Variants in TSEN2 observed in about 807,000 individuals in gnomAD.
TSEN2 encodes the protein tRNA splicing endonuclease subunit 2, also known as tRNA-splicing endonuclease subunit Sen2.
In TSEN2, 54 loss-of-function variants were observed where a neutral mutation model predicts 59.2. The ratio of observed to expected loss-of-function variants is 0.91; its 90% CI spans 0.73 to 1.14. TSEN2 has a LOEUF of 1.14. Ranked by LOEUF, TSEN2 falls within the 50% of genes most tolerant of loss-of-function variation. TSEN2 has a pLI of 0.00. For missense variants in TSEN2, 636 were observed against 576.2 expected, an observed-to-expected ratio of 1.10 and a Z score of -1.06; for synonymous variants, 195 against 198.2, an observed-to-expected ratio of 0.98 and a Z score of 0.14.
intron 6 of TSEN2, among the ~76,000 whole-genome samples, chr3:12,509,949 G>A (rs1269776659): frequency 1.3e-5 from 2 of 152,256 alleles, no homozygotes; most frequent in African/African-American, 2.4e-5. Context: ...GAGTTAGCCT[G>A]TGAGGAGTGA....
upstream of TSEN2, among the ~76,000 whole-genome samples, chr3:12,481,138 T>A (rs2052188591): frequency 6.6e-6 from 1 of 152,204 alleles, no homozygotes; most frequent in Non-Finnish European, 1.5e-5. Context: ...AGATAAACTT[T>A]TTTCTTAAGT....
chr3:12,529,650 T>A (rs2057334482), intron 9 of TSEN2, 112 bp from the exon 10 acceptor site: 1 of 938,754 alleles, frequency 1.1e-6, no homozygotes, highest in African/African-American at 1.7e-5. Context: ...GAATTTAGAA[T>A]CAGATGATGC....
At chr3:12,508,648 C>T (rs1408328072) in intron 6 of TSEN2, among the ~76,000 whole-genome samples, 3 of 152,132 alleles carry the variant, frequency 2.0e-5, no homozygotes, top group Admixed American at 1.3e-4. Flanking sequence ...TGTGGACATG[C>T]GGCCTTGTAG....
chr3:12,507,726 G>A (rs1486118684), intron 6 of TSEN2, among the ~76,000 whole-genome samples: 3 of 152,160 alleles, frequency 2.0e-5, no homozygotes, highest in South Asian at 4.1e-4. Flanking sequence ...TAAGCATAGT[G>A]TGGCATATGG....
At chr3:12,495,126 CAAAAAAA>C (rs1160986136) in intron 3 of TSEN2, among the ~76,000 whole-genome samples, 10 of 68,700 alleles carry the variant, frequency 1.5e-4, no homozygotes, top group African/African-American at 3.1e-4. Context: ...ACTCCGTCTC[CAAAAAAA>C]AAAAAAAAAA....
At position 12,532,645 on chromosome 3, in the gene TSEN2, T is replaced by A. The variant is rs779339228; in HGVS notation, c.1339-17T>A. On this transcript the variant is annotated splice_polypyrimidine_tract_variant and intron_variant, in intron 11 of 11. Coordinates refer to ENST00000284995, the MANE Select transcript of TSEN2 (RefSeq NM_025265.4). ...ATTTCTGTTTTAAGAAATGGTCTTT[T>A]TTTTTATTGGTTGTAGGAGGTGATT... 6.2e-7 allele frequency: 1 copy of A among 1,614,054 alleles called. No individual in the cohort carries two copies. Among genetic ancestry groups the A allele is most frequent in the South Asian group, 1.1e-5 (1 of 91,076 alleles).
At chr3:12,530,792 T>A in intron 10 of TSEN2, 1 of 981,710 alleles carries the variant, frequency 1.0e-6, no homozygotes, top group South Asian at 4.7e-5. Flanking sequence ...TGTTGATATG[T>A]TCTTGGAAAC....
At chr3:12,485,977 A>G (rs2052574543) in intron 1 of TSEN2, among the ~76,000 whole-genome samples, 1 of 152,206 alleles carries the variant, frequency 6.6e-6, no homozygotes, top group African/African-American at 2.4e-5. Flanking sequence ...ATTATTTAGT[A>G]TTTACATTGT....
intron 4 of TSEN2, among the ~76,000 whole-genome samples, chr3:12,502,582 G>A (rs2054384036): frequency 6.6e-6 from 1 of 151,178 alleles, no homozygotes; most frequent in African/African-American, 2.4e-5. Context: ...ATAAAGGATG[G>A]CCATTTTCTT....
chr3:12,523,002 AG>A (rs1361446954), intron 8 of TSEN2, among the ~76,000 whole-genome samples: 2 of 152,106 alleles, frequency 1.3e-5, no homozygotes, highest in African/African-American at 4.8e-5. Flanking sequence ...GGTCTGTAGT[AG>A]TAGCTTCCTT....
rs299639 is a variant in TSEN2 at position 12,491,836 on chromosome 3, A to C, written c.190-300A>C. 0.49 allele frequency among the ~76,000 whole-genome samples: 74,636 copies of C among 152,118 alleles called. 19,252 individuals carry two copies. Among genetic ancestry groups the C allele is most frequent in the African/African-American group, 0.61 (25,518 of 41,500 alleles). ...TTGGGAGAAAAATTGCATGTGTACC[A>C]AACGGGGACTTTATTTTCTTATATT... On this transcript the variant is annotated intron_variant, in intron 2 of 11. Coordinates refer to ENST00000284995, the MANE Select transcript of TSEN2 (RefSeq NM_025265.4).
At chr3:12,521,796 G>T (rs1575426175) in intron 8 of TSEN2, among the ~76,000 whole-genome samples, 1 of 152,190 alleles carries the variant, frequency 6.6e-6, no homozygotes, top group African/African-American at 2.4e-5. Flanking sequence ...CTGATCATGA[G>T]GTCAGGAGAT....
intron 8 of TSEN2, among the ~76,000 whole-genome samples, chr3:12,520,123 C>T (rs2648311): frequency 0.5 from 75,348 of 151,772 alleles, 19,833 homozygotes; most frequent in African/African-American, 0.65. Context: ...CTCAGCCTCC[C>T]GAGTAGCTGG....
intron 4 of TSEN2, among the ~76,000 whole-genome samples, chr3:12,498,102 A>C (rs1417710848): frequency 2.0e-5 from 3 of 151,534 alleles, no homozygotes; most frequent in Non-Finnish European, 2.9e-5. Flanking sequence ...AAATTGATAC[A>C]TAATAGATGT....
rs374987074 is a variant in TSEN2, at chr3:12,529,327, C to A, written c.1136+403C>A. Among the ~76,000 whole-genome samples the A allele has an allele frequency of 1.1e-4, 16 of 152,150 alleles. 1 individual carries two copies. The highest frequency in any genetic ancestry group is 7.9e-4 in the Admixed American group (12 of 15,284). ...TAAAAATCCAAAAAAATTAGCTGGGCATGGTGGCAGGCGCCTGTAATCTCA... is the reference window on the plus strand; with the variant it reads ...TAAAAATCCAAAAAAATTAGCTGGGAATGGTGGCAGGCGCCTGTAATCTCA... On this transcript the variant is annotated intron_variant, in intron 9 of 11. Transcript: ENST00000284995.
At chr3:12,483,506 T>C (rs2052293260), upstream of TSEN2, among the ~76,000 whole-genome samples, 1 of 152,180 alleles carries the variant, frequency 6.6e-6, no homozygotes. Flanking sequence ...AGAGGTGATA[T>C]TTGAGCTGAG....
chr3:12,531,557 C>T lies in TSEN2; in HGVS notation c.1249-13C>T. 6.3e-7 allele frequency: 1 copy of T among 1,587,830 alleles called. No homozygotes were observed. Among genetic ancestry groups the T allele is most frequent in the Non-Finnish European group, 8.6e-7 (1 of 1,156,208 alleles). The stretch of plus-strand genomic sequence containing the variant: ...TTTGTAGGATACAGAAGTGGTTTTT[C>T]ATTTCTCAATAGGAACTTATGCTGT... On this transcript the variant is annotated splice_polypyrimidine_tract_variant and intron_variant, in intron 10 of 11. Transcript: ENST00000284995.
At chr3:12,519,288 T>C in intron 8 of TSEN2, 91 bp downstream of exon 8, 1 of 1,547,532 alleles carries the variant, frequency 6.5e-7, no homozygotes, top group East Asian at 2.2e-5. Context: ...CTGTTGATGA[T>C]GTTTTCTAAG....
At chr3:12,531,342 T>C (rs1231599681) in intron 10 of TSEN2, 1 of 536,112 alleles carries the variant, frequency 1.9e-6, no homozygotes, top group Non-Finnish European at 3.4e-6. Context: ...ATAATCAATG[T>C]ATCTGCTTAT....
Sources: gnomAD v4.1 joint callset for allele counts (sites outside exome capture counted in the v4.1 genomes callset) on GRCh38, gnomAD v4.1.1 for gene constraint, MANE v1.5 for transcripts, NCBI Gene and HGNC (gene_info 2026-07-23, HGNC 2026-07-21) for gene names.